Variants in THSD7B observed in about 807,000 individuals in gnomAD.
THSD7B encodes thrombospondin type 1 domain containing 7B.
In THSD7B, 138 loss-of-function variants were observed where a neutral mutation model predicts 213.6. The ratio of observed to expected loss-of-function variants is 0.65; its 90% CI spans 0.56 to 0.74. THSD7B has a LOEUF of 0.74. THSD7B is among the 30% of genes least tolerant of loss of function. The pLI is 0.00. For missense variants in THSD7B, 1,931 were observed against 1,991.5 expected, an observed-to-expected ratio of 0.97 and a Z score of 0.58; for synonymous variants, 742 against 687.0, an observed-to-expected ratio of 1.08 and a Z score of -1.25.
intron 10 of THSD7B, among the ~76,000 whole-genome samples, chr2:137,269,181 T>C (rs574674304): frequency 2.6e-4 from 39 of 152,214 alleles, no homozygotes; most frequent in Non-Finnish European, 5.3e-4. Flanking sequence ...GTTTATGCAG[T>C]GTGGATCAGT....
intron 2 of THSD7B, among the ~76,000 whole-genome samples, chr2:136,974,430 A>G (rs894335456): frequency 2.0e-5 from 3 of 151,184 alleles, no homozygotes; most frequent in Non-Finnish European, 4.4e-5. Flanking sequence ...GCTCCCATTT[A>G]TAAGTGGGAA....
intron 12 of THSD7B, among the ~76,000 whole-genome samples, chr2:137,290,425 C>T (rs1443836857): frequency 6.6e-6 from 1 of 152,102 alleles, no homozygotes; most frequent in Non-Finnish European, 1.5e-5. Flanking sequence ...TAACTCTACT[C>T]CTGTTTTGCA....
intron 3 of THSD7B, among the ~76,000 whole-genome samples, chr2:137,077,416 G>T (rs980582344): frequency 1.3e-5 from 2 of 152,110 alleles, no homozygotes; most frequent in African/African-American, 4.8e-5. Flanking sequence ...CTTCCACAAT[G>T]GTTGAACTAG....
At chr2:136,767,463 G>GTGTGTGTGTC in intron 1 of THSD7B, among the ~76,000 whole-genome samples, 1 of 151,604 alleles carries the variant, frequency 6.6e-6, no homozygotes. Flanking sequence ...GGAAGTGTGT[G>GTGTGTGTGTC]TGTGTGTGTG....
intron 2 of THSD7B, among the ~76,000 whole-genome samples, chr2:137,013,715 T>A (rs1476043465): frequency 6.6e-6 from 1 of 152,032 alleles, no homozygotes; most frequent in Non-Finnish European, 1.5e-5. Flanking sequence ...AAACCCATCC[T>A]CCACCCCCTA....
At chr2:137,647,857 G>C (rs1683065961) in intron 21 of THSD7B, among the ~76,000 whole-genome samples, 1 of 152,076 alleles carries the variant, frequency 6.6e-6, no homozygotes, top group South Asian at 2.1e-4. Context: ...TCATGTTAGC[G>C]TCCCCTCCTT....
intron 14 of THSD7B, among the ~76,000 whole-genome samples, chr2:137,442,953 G>T (rs747743410): frequency 2.0e-5 from 3 of 152,122 alleles, no homozygotes; most frequent in Non-Finnish European, 2.9e-5. Context: ...AAATCTGTGT[G>T]TCTTTATTGT....
intron 12 of THSD7B, among the ~76,000 whole-genome samples, chr2:137,309,640 A>G (rs1683843291): frequency 6.6e-6 from 1 of 152,014 alleles, no homozygotes; most frequent in South Asian, 2.1e-4. Flanking sequence ...ATATCTCCCA[A>G]TGCTATCCCT....
chr2:137,115,087 C>A, intron 4 of THSD7B, 37 bp from the exon 5 acceptor site: 2 of 1,598,992 alleles, frequency 1.3e-6, no homozygotes, highest in Non-Finnish European at 1.7e-6. Context: ...ATTTTTCTTA[C>A]TTCTTCTTCT....
At chr2:137,165,921 T>C (rs1356709170) in intron 6 of THSD7B, among the ~76,000 whole-genome samples, 1 of 152,156 alleles carries the variant, frequency 6.6e-6, no homozygotes. Flanking sequence ...GTCATCGTGT[T>C]ATTGCTCTGG....
At chr2:137,540,566 T>C (rs188081178) in intron 15 of THSD7B, among the ~76,000 whole-genome samples, 1 of 151,772 alleles carries the variant, frequency 6.6e-6, no homozygotes, top group Non-Finnish European at 1.5e-5. Flanking sequence ...TTCAAAGCCC[T>C]ATCTTTGAAG....
At chr2:136,868,100 CCACA>C (rs529874307) in intron 1 of THSD7B, among the ~76,000 whole-genome samples, 1,957 of 147,376 alleles carry the variant, frequency 0.013, 45 homozygotes, top group African/African-American at 0.047. Flanking sequence ...ACACACCACA[CCACA>C]CACACACACG....
At chr2:136,971,856 G>T (rs1242117509) in intron 2 of THSD7B, among the ~76,000 whole-genome samples, 1 of 152,036 alleles carries the variant, frequency 6.6e-6, no homozygotes, top group Non-Finnish European at 1.5e-5. Context: ...CTACAGCCAT[G>T]GTACTGGCAG....
At chr2:136,843,221 G>A (rs1573664886) in intron 1 of THSD7B, among the ~76,000 whole-genome samples, 6 of 152,044 alleles carry the variant, frequency 3.9e-5, no homozygotes, top group Admixed American at 3.9e-4. Context: ...TGGAAGTAAG[G>A]CAATGTCCCA....
At chr2:137,012,522 G>A (rs1686250477) in intron 2 of THSD7B, among the ~76,000 whole-genome samples, 2 of 152,198 alleles carry the variant, frequency 1.3e-5, no homozygotes, top group African/African-American at 2.4e-5. Context: ...AAGTTTAAAA[G>A]CTTCATGGAG....
At chr2:137,151,654 A>G (rs1457861200) in intron 5 of THSD7B, among the ~76,000 whole-genome samples, 2 of 152,248 alleles carry the variant, frequency 1.3e-5, no homozygotes, top group African/African-American at 4.8e-5. Context: ...AATAAAAAGT[A>G]TAGTATAGTA....
intron 1 of THSD7B, among the ~76,000 whole-genome samples, chr2:136,849,060 A>T (rs918746653): frequency 6.6e-6 from 1 of 152,146 alleles, no homozygotes; most frequent in Non-Finnish European, 1.5e-5. Context: ...CACCTGACTT[A>T]TTCAAATACA....
intron 17 of THSD7B, among the ~76,000 whole-genome samples, chr2:137,601,236 T>C (rs1249292784): frequency 2.0e-5 from 3 of 152,178 alleles, no homozygotes; most frequent in Non-Finnish European, 2.9e-5. Flanking sequence ...AAGTCTACCA[T>C]AGTGTACAGT....
chr2:137,556,335 G>C (rs528646068), intron 15 of THSD7B, among the ~76,000 whole-genome samples: 2,681 of 152,264 alleles, frequency 0.018, 96 homozygotes, highest in African/African-American at 0.062. Context: ...CAGACTAACA[G>C]CTGATCTCTC....
Sources: gnomAD v4.1 joint callset for allele counts (sites outside exome capture counted in the v4.1 genomes callset) on GRCh38, gnomAD v4.1.1 for gene constraint, MANE v1.5 for transcripts, NCBI Gene and HGNC (gene_info 2026-07-23, HGNC 2026-07-21) for gene names.